Variants in NRXN1 observed in about 807,000 individuals in gnomAD.
The protein encoded by NRXN1 is neurexin-1.
In NRXN1, 39 loss-of-function variants were observed where a neutral mutation model predicts 150.9. That is an observed-to-expected ratio of 0.26 (90% confidence interval 0.20 to 0.34). The LOEUF (loss-of-function observed/expected upper bound fraction) is 0.34. Ranked by LOEUF, NRXN1 falls within the 10% of genes least tolerant of loss-of-function variation. The pLI is 1.00. For synonymous variants in NRXN1, 924 were observed against 757.0 expected, an observed-to-expected ratio of 1.22 and a Z score of -3.62; for missense variants, 1,815 against 1,949.9, an observed-to-expected ratio of 0.93 and a Z score of 1.30.
At chr2:50,552,203 T>C (rs2105342082) in intron 9 of NRXN1, among the ~76,000 whole-genome samples, 1 of 152,350 alleles carries the variant, frequency 6.6e-6, no homozygotes, top group Middle Eastern at 3.4e-3. Flanking sequence ...AATTTTTTTT[T>C]CATATTTTAT....
intron 8 of NRXN1, among the ~76,000 whole-genome samples, chr2:50,569,166 G>A (rs1670291965): frequency 6.6e-6 from 1 of 152,068 alleles, no homozygotes; most frequent in Non-Finnish European, 1.5e-5. Context: ...TGGGAGAAGT[G>A]GGGATGGTTA....
At chr2:50,380,889 G>A (rs971821422) in intron 17 of NRXN1, among the ~76,000 whole-genome samples, 17 of 151,980 alleles carry the variant, frequency 1.1e-4, no homozygotes, top group Admixed American at 1.3e-4. Context: ...AGCCTAATAA[G>A]CATAAGGTAT....
At chr2:50,543,118 A>G (rs969882322) in intron 9 of NRXN1, among the ~76,000 whole-genome samples, 1 of 152,134 alleles carries the variant, frequency 6.6e-6, no homozygotes, top group Non-Finnish European at 1.5e-5. Flanking sequence ...TTTTTAAGAG[A>G]AAACAAAAAT....
At chr2:50,108,078 C>T (rs1452767) in intron 18 of NRXN1, among the ~76,000 whole-genome samples, 36,743 of 151,528 alleles carry the variant, frequency 0.24, 4,590 homozygotes, top group East Asian at 0.3. Flanking sequence ...TTTTATGTTG[C>T]CTTTGGAAAA....
intron 18 of NRXN1, among the ~76,000 whole-genome samples, chr2:50,142,301 G>C (rs1457437269): frequency 2.6e-5 from 4 of 152,018 alleles, no homozygotes; most frequent in Admixed American, 6.6e-5. Context: ...CAGAGGCTGA[G>C]AAGGGTGTTC....
intron 8 of NRXN1, among the ~76,000 whole-genome samples, chr2:50,577,855 C>G (rs976052676): frequency 6.6e-6 from 1 of 152,042 alleles, no homozygotes; most frequent in Non-Finnish European, 1.5e-5. Flanking sequence ...ATTGTTAAAA[C>G]AGTTACTAAC....
intron 5 of NRXN1, among the ~76,000 whole-genome samples, chr2:50,860,108 T>G (rs1559361559): frequency 6.6e-6 from 1 of 151,936 alleles, no homozygotes; most frequent in Non-Finnish European, 1.5e-5. Flanking sequence ...TCATAGTATT[T>G]TGATGAAAAA....
chr2:50,806,486 T>C (rs1667527255), intron 5 of NRXN1, among the ~76,000 whole-genome samples: 1 of 152,176 alleles, frequency 6.6e-6, no homozygotes, highest in African/African-American at 2.4e-5. Context: ...TGTTCAAATG[T>C]TTTACTTTTT....
At chr2:50,958,213 T>C (rs966395121) in intron 2 of NRXN1, among the ~76,000 whole-genome samples, 13 of 152,108 alleles carry the variant, frequency 8.5e-5, no homozygotes, top group South Asian at 2.1e-4. Context: ...GATTCCTATG[T>C]TCAACAGAGA....
chr2:50,776,061 T>C (rs1703594844), intron 5 of NRXN1, among the ~76,000 whole-genome samples: 1 of 152,120 alleles, frequency 6.6e-6, no homozygotes, highest in African/African-American at 2.4e-5. Context: ...TTAAAATCAT[T>C]CTATGAACAA....
intron 5 of NRXN1, among the ~76,000 whole-genome samples, chr2:50,834,611 G>A (rs911172363): frequency 1.1e-4 from 16 of 152,024 alleles, no homozygotes; most frequent in South Asian, 2.1e-4. Flanking sequence ...TTTGAAGGAC[G>A]CCAATAACAA....
chr2:51,030,256 C>T (rs1671276502), intron 1 of NRXN1, among the ~76,000 whole-genome samples: 1 of 152,010 alleles, frequency 6.6e-6, no homozygotes, highest in Non-Finnish European at 1.5e-5. Context: ...ACACACACTG[C>T]AATATATATA....
At chr2:50,417,966 C>T (rs954850617) in intron 17 of NRXN1, among the ~76,000 whole-genome samples, 6 of 151,758 alleles carry the variant, frequency 4.0e-5, no homozygotes, top group Non-Finnish European at 7.4e-5. Context: ...GGTGGAGGAA[C>T]GGAGTACTGA....
chr2:50,182,313 C>T (rs552572072), intron 18 of NRXN1, among the ~76,000 whole-genome samples: 1 of 151,836 alleles, frequency 6.6e-6, no homozygotes, highest in Non-Finnish European at 1.5e-5. Context: ...TGGCATTCAT[C>T]TTCTAGATCA....
rs142392248 is a variant in NRXN1 at position 50,627,615 on chromosome 2, GAC to G, written c.833-4002_833-4001del. Among the ~76,000 whole-genome samples the G allele has an allele frequency of 2.0e-3, 297 of 148,382 alleles. 1 individual carries two copies. The highest frequency in any genetic ancestry group is 6.8e-3 in the Middle Eastern group (2 of 292). On this transcript the variant is annotated intron_variant, in intron 5 of 22. Coordinates refer to ENST00000401669, the MANE Select transcript of NRXN1 (RefSeq NM_001330078.2). ...TCTATGAAAGCTTTTGTCAGACACA[GAC>G]ACACACACACACACACACACGAGAG...
At chr2:50,559,387 C>A (rs1195906295) in intron 8 of NRXN1, among the ~76,000 whole-genome samples, 1 of 152,150 alleles carries the variant, frequency 6.6e-6, no homozygotes, top group Non-Finnish European at 1.5e-5. Context: ...AATTATGTTT[C>A]AATTCTGACA....
At chr2:50,786,230 G>A (rs878881265) in intron 5 of NRXN1, among the ~76,000 whole-genome samples, 2 of 152,128 alleles carry the variant, frequency 1.3e-5, no homozygotes, top group Middle Eastern at 3.4e-3. Context: ...CACATAATGA[G>A]GGCCATCTAT....
intron 5 of NRXN1, among the ~76,000 whole-genome samples, chr2:50,865,658 G>GTTTTTTTT (rs71404978): frequency 0.028 from 1,168 of 41,878 alleles, 291 homozygotes; most frequent in Middle Eastern, 0.083. Flanking sequence ...GCATTTGAAA[G>GTTTTTTTT]TTTTTTTTTT....
Position 50,955,444 on chromosome 2 carries a change from G to A in NRXN1, c.773-29489C>T, listed in dbSNP as rs1220176636. Among the ~76,000 whole-genome samples, 7 of 152,242 alleles carry A rather than the reference G, an allele frequency of 4.6e-5. No individual in the cohort carries two copies. In the South Asian group the frequency reaches 1.2e-3, roughly 27 times the overall value. On this transcript the variant is annotated intron_variant, in intron 2 of 22. Coordinates refer to ENST00000401669, the MANE Select transcript of NRXN1 (RefSeq NM_001330078.2). ...AGCCATCATGCTCCTTCTTTAAGAG[G>A]AAAATTTTAAAGCAGGCTTTTTAAA... is the stretch of plus-strand genomic sequence containing the variant.
Sources: allele counts gnomAD v4.1 joint callset (sites outside exome capture counted in the v4.1 genomes callset), GRCh38; gene constraint gnomAD v4.1.1; transcripts MANE v1.5; gene names NCBI Gene and HGNC (gene_info 2026-07-23, HGNC 2026-07-21).